XIRP2: variants seen among roughly 807,000 people sequenced by gnomAD.
The protein encoded by XIRP2 is xin actin-binding repeat-containing protein 2.
XIRP2 carries 236 observed loss-of-function variants against 277.0 expected under a neutral mutation model. The observed-to-expected ratio is 0.85, with a 90% CI of 0.77 to 0.95. XIRP2 has a LOEUF of 0.95. Among genes scored for constraint, XIRP2 ranks in the 40% least tolerant of loss-of-function variants. The pLI is 0.00. For missense variants in XIRP2, 4,640 were observed against 4,157.5 expected (o/e 1.12, Z -3.19); for synonymous variants, 1,490 against 1,416.5 (o/e 1.05, Z -1.17).
intron 2 of XIRP2, among the ~76,000 whole-genome samples, chr2:167,073,170 A>T (rs555289070): frequency 1.3e-5 from 2 of 152,192 alleles, no homozygotes; most frequent in Non-Finnish European, 2.9e-5. Context: ...TTCAAAAATG[A>T]TTTATCTTTT....
chr2:167,100,640 A>C (rs1350319467), intron 2 of XIRP2, among the ~76,000 whole-genome samples: 4 of 152,210 alleles, frequency 2.6e-5, no homozygotes, highest in Non-Finnish European at 5.9e-5. Flanking sequence ...TGTTGCGTAG[A>C]ATTGTCATTT....
chr2:167,044,915 T>C (rs181210855), intron 2 of XIRP2, among the ~76,000 whole-genome samples: 1 of 151,324 alleles, frequency 6.6e-6, no homozygotes, highest in African/African-American at 2.4e-5. Context: ...AAAATTCATA[T>C]GGAATCAAAA....
chr2:166,958,606 T>C (rs1272688148), intron 2 of XIRP2, among the ~76,000 whole-genome samples: 3 of 151,808 alleles, frequency 2.0e-5, no homozygotes, highest in African/African-American at 7.2e-5. Context: ...TAAAATAAAA[T>C]GCCTGCCTCT....
chr2:166,987,062 T>C (rs1419524814), intron 2 of XIRP2, among the ~76,000 whole-genome samples: 1 of 152,220 alleles, frequency 6.6e-6, no homozygotes, highest in Non-Finnish European at 1.5e-5. Flanking sequence ...TAGATGTTAA[T>C]GACATTTAAT....
intron 2 of XIRP2, among the ~76,000 whole-genome samples, chr2:166,938,134 T>C (rs911294886): frequency 2.0e-5 from 3 of 152,238 alleles, no homozygotes; most frequent in Non-Finnish European, 4.4e-5. Flanking sequence ...TGCCTTCTGC[T>C]AGCTTTTGAA....
chr2:167,034,824 G>A (rs2105510515), intron 2 of XIRP2, among the ~76,000 whole-genome samples: 1 of 152,272 alleles, frequency 6.6e-6, no homozygotes, highest in East Asian at 1.9e-4. Flanking sequence ...GACCTGATAT[G>A]GTTTGGCTGT....
chr2:167,103,597 A>G (rs1429929), intron 2 of XIRP2, among the ~76,000 whole-genome samples: 2,090 of 152,326 alleles, frequency 0.014, 57 homozygotes, highest in African/African-American at 0.048. Context: ...GCTCTAGGCT[A>G]CAGGAAAGTG....
intron 2 of XIRP2, among the ~76,000 whole-genome samples, chr2:166,958,435 C>T (rs1297102162): frequency 2.6e-5 from 4 of 151,744 alleles, no homozygotes; most frequent in Admixed American, 2.0e-4. Context: ...ATATGAACAA[C>T]ATGGACTGGT....
chr2:167,213,991 G>A (rs1286049698), intron 4 of XIRP2, among the ~76,000 whole-genome samples: 2 of 151,332 alleles, frequency 1.3e-5, no homozygotes, highest in Non-Finnish European at 2.9e-5. Flanking sequence ...GGCTGAGGTG[G>A]GTGGATCACC....
chr2:167,159,528 T>C (rs73019956), intron 3 of XIRP2, among the ~76,000 whole-genome samples: 15,013 of 152,214 alleles, frequency 0.099, 787 homozygotes, highest in South Asian at 0.15. Context: ...AATTATTTTC[T>C]CTTATTGTGA....
At chr2:167,180,413 T>A (rs1692979391) in intron 3 of XIRP2, among the ~76,000 whole-genome samples, 1 of 152,172 alleles carries the variant, frequency 6.6e-6, no homozygotes, top group Non-Finnish European at 1.5e-5. Flanking sequence ...TATGGAAAAA[T>A]TTCTCAAAAT....
intron 2 of XIRP2, among the ~76,000 whole-genome samples, chr2:166,926,729 A>G (rs578217432): frequency 6.6e-6 from 1 of 152,256 alleles, no homozygotes; most frequent in South Asian, 2.1e-4. Flanking sequence ...ACAAAGAAAT[A>G]CAATTTCATT....
rs780162223 is a variant in XIRP2, at chr2:167,245,298, A to C, written c.3906A>C (p.Glu1302Asp). The C allele has an allele frequency of 6.2e-7, 1 of 1,613,598 alleles. No homozygotes were observed. The highest frequency in any genetic ancestry group is 1.1e-5 in the South Asian group (1 of 91,028). ...DYISTKKTIT[E>D]EVIQGDVKSY... The stretch of plus-strand genomic sequence containing the variant: ...TCAGCACCAAGAAAACAATTACTGA[A>C]GAAGTAATACAGGGTGATGTAAAAA... Residue 1302 changes from glutamate (E) to aspartate (D), a missense_variant, in exon 9 of 11, where the codon GAA (glutamate) becomes GAC (aspartate). Transcript: ENST00000409195.
Position 167,248,917 on chromosome 2 carries a change from G to A in XIRP2, c.7525G>A (p.Ala2509Thr). 1 of 1,613,740 alleles carries A rather than the reference G, an allele frequency of 6.2e-7. No homozygotes were observed. Among genetic ancestry groups the A allele is most frequent in the African/African-American group, 1.3e-5 (1 of 74,954 alleles). ...CTCACACACAGTTCCAGGAACTTCA[G>A]CACCCAGGAAAAAACAGATTGCGCC... ...CLSHTVPGTS[A>T]PRKKQIAPLI... Residue 2509 changes from alanine to threonine, a missense_variant, in exon 9 of 11, where the codon GCA (alanine) becomes ACA (threonine). Ala to Thr is a moderately conservative substitution (Grantham distance 58). Coordinates refer to ENST00000409195, the MANE Select transcript of XIRP2 (RefSeq NM_152381.6).
intron 2 of XIRP2, among the ~76,000 whole-genome samples, chr2:167,059,901 T>C (rs75515104): frequency 0.02 from 3,081 of 152,300 alleles, 43 homozygotes; most frequent in Non-Finnish European, 0.033. Context: ...TCCACATGAA[T>C]GCTTCTGTTA....
At chr2:167,257,438 T>C (rs1695690410) in intron 10 of XIRP2, among the ~76,000 whole-genome samples, 1 of 151,950 alleles carries the variant, frequency 6.6e-6, no homozygotes, top group Non-Finnish European at 1.5e-5. Context: ...ACATAAGCAA[T>C]TGTTAGGCAC....
chr2:167,149,421 A>T (rs188826136), intron 3 of XIRP2, among the ~76,000 whole-genome samples: 1 of 152,176 alleles, frequency 6.6e-6, no homozygotes, highest in Non-Finnish European at 1.5e-5. Flanking sequence ...AAGTGTAGGA[A>T]GGCAGAATTA....
At chr2:167,163,864 C>T (rs762647473) in intron 3 of XIRP2, among the ~76,000 whole-genome samples, 1 of 152,082 alleles carries the variant, frequency 6.6e-6, no homozygotes, top group Admixed American at 6.5e-5. Flanking sequence ...CTTTTATTTC[C>T]GTGTGGATGA....
At chr2:167,132,608 C>A (rs1691414953) in intron 2 of XIRP2, among the ~76,000 whole-genome samples, 1 of 151,942 alleles carries the variant, frequency 6.6e-6, no homozygotes, top group Non-Finnish European at 1.5e-5. Flanking sequence ...GTGCTGCAGG[C>A]CTTTGTGATC....
Sources: allele counts gnomAD v4.1 joint callset (sites outside exome capture counted in the v4.1 genomes callset), GRCh38; gene constraint gnomAD v4.1.1; transcripts MANE v1.5; gene names NCBI Gene and HGNC (gene_info 2026-07-23, HGNC 2026-07-21).